SLC10A7: variants seen among roughly 807,000 people sequenced by gnomAD.
The protein encoded by SLC10A7 is solute carrier family 10 member 7.
A neutral mutation model predicts 43.2 loss-of-function variants in SLC10A7; 29 were observed. The observed-to-expected ratio is 0.67, with a 90% confidence interval of 0.50 to 0.92. The LOEUF (loss-of-function observed/expected upper bound fraction) is 0.92, where lower values mean the gene tolerates loss of function less well. Ranked by LOEUF, SLC10A7 falls within the 40% of genes least tolerant of loss-of-function variation. The pLI is 0.00. For synonymous variants in SLC10A7, 152 were observed against 144.8 expected (o/e 1.05, Z -0.35); for missense variants, 295 against 403.2 (o/e 0.73, Z 2.30).
At chr4:146,516,821 A>T (rs1419892950) in intron 2 of SLC10A7, among the ~76,000 whole-genome samples, 1 of 152,080 alleles carries the variant, frequency 6.6e-6, no homozygotes, top group African/African-American at 2.4e-5. Flanking sequence ...ACTCATTATA[A>T]CCACATCCTC....
intron 5 of SLC10A7, among the ~76,000 whole-genome samples, chr4:146,392,005 C>T (rs780269921): frequency 1.3e-5 from 2 of 152,176 alleles, no homozygotes; most frequent in African/African-American, 2.4e-5. Flanking sequence ...TGCTGAAACC[C>T]GCAGATTCCA....
At chr4:146,394,877 C>A (rs1054772189) in intron 5 of SLC10A7, among the ~76,000 whole-genome samples, 1 of 152,168 alleles carries the variant, frequency 6.6e-6, no homozygotes, top group African/African-American at 2.4e-5. Flanking sequence ...TGAATAATTT[C>A]TATTCCTAAA....
intron 5 of SLC10A7, among the ~76,000 whole-genome samples, chr4:146,409,230 G>C (rs1293501041): frequency 6.7e-6 from 1 of 149,914 alleles, no homozygotes; most frequent in African/African-American, 2.5e-5. Flanking sequence ...TAAATAAAAA[G>C]CACACTCCAA....
In SLC10A7 at chr4:146,306,004, A is replaced by T. The variant is rs1053015716; in HGVS notation, c.477T>A (p.Gly159=). The change falls in exon 7 of 12, where the codon GGT becomes GGA. Residue 159 remains glycine, a synonymous_variant. Transcript: ENST00000335472. ...ITPLLLLLFL[G]SSSSVPFTSI... is the part of the protein sequence containing the mutation. ...ATGTGAAAGGCACAGAAGAAGATGA[A>T]CCAAGCTGTAAAACAAGAAAATAGG... 7.5e-6 allele frequency: 12 copies of T among 1,603,844 alleles called. No individual in the cohort carries two copies. The highest frequency in any genetic ancestry group is 1.3e-5 in the African/African-American group (1 of 74,354).
intron 10 of SLC10A7, among the ~76,000 whole-genome samples, chr4:146,279,859 T>C (rs1729434048): frequency 6.6e-6 from 1 of 152,152 alleles, no homozygotes; most frequent in African/African-American, 2.4e-5. Context: ...ATAGAAAAAG[T>C]ACTAATACGA....
intron 5 of SLC10A7, among the ~76,000 whole-genome samples, chr4:146,414,358 G>A (rs1728417109): frequency 6.6e-6 from 1 of 152,074 alleles, no homozygotes; most frequent in African/African-American, 2.4e-5. Context: ...CCAAACATAA[G>A]GCTTTTCCAC....
chr4:146,451,174 A>G (rs989969694), intron 4 of SLC10A7, among the ~76,000 whole-genome samples: 2 of 150,624 alleles, frequency 1.3e-5, no homozygotes, highest in Admixed American at 1.3e-4. Flanking sequence ...AGAAGCTAAA[A>G]TAGAAAACCC....
intron 5 of SLC10A7, among the ~76,000 whole-genome samples, chr4:146,434,128 TACTC>T (rs1730013975): frequency 6.6e-6 from 1 of 152,040 alleles, no homozygotes; most frequent in African/African-American, 2.4e-5. Context: ...TATGAGAAAA[TACTC>T]ACATACATAA....
chr4:146,318,212 C>T (rs567840872), intron 6 of SLC10A7, among the ~76,000 whole-genome samples: 2 of 152,144 alleles, frequency 1.3e-5, no homozygotes, highest in African/African-American at 4.8e-5. Flanking sequence ...AAACATTTCC[C>T]TAAGAGAGTT....
intron 5 of SLC10A7, among the ~76,000 whole-genome samples, chr4:146,383,025 A>G (rs897599672): frequency 1.9e-4 from 29 of 152,010 alleles, no homozygotes; most frequent in African/African-American, 6.8e-4. Context: ...TTCTTCTGGA[A>G]TGTAGGCCTC....
At chr4:146,466,150 A>G (rs1379008997) in intron 4 of SLC10A7, among the ~76,000 whole-genome samples, 1 of 152,220 alleles carries the variant, frequency 6.6e-6, no homozygotes, top group African/African-American at 2.4e-5. Context: ...TTAAATTGCA[A>G]TTAACATCTT....
chr4:146,460,761 A>G (rs914192496), intron 4 of SLC10A7, among the ~76,000 whole-genome samples: 1 of 152,010 alleles, frequency 6.6e-6, no homozygotes. Context: ...AATTTTATAC[A>G]TATTCTAAAA....
intron 2 of SLC10A7, among the ~76,000 whole-genome samples, chr4:146,513,233 T>C (rs1737645599): frequency 6.6e-6 from 1 of 151,940 alleles, no homozygotes; most frequent in Non-Finnish European, 1.5e-5. Context: ...AACGTATACA[T>C]TTTTGTTATA....
intron 5 of SLC10A7, chr4:146,442,076 AG>A: frequency 1.0e-6 from 1 of 978,690 alleles, no homozygotes; most frequent in African/African-American, 1.7e-5. Flanking sequence ...CAAAGTTTTA[AG>A]GCACAAAAAA....
chr4:146,394,513 C>A (rs904599898), intron 5 of SLC10A7, among the ~76,000 whole-genome samples: 5 of 152,072 alleles, frequency 3.3e-5, no homozygotes, highest in African/African-American at 9.7e-5. Context: ...CAAGAGCACA[C>A]CATTACACCC....
chr4:146,483,450 C>CA (rs34046091), intron 4 of SLC10A7, among the ~76,000 whole-genome samples: 19 of 151,068 alleles, frequency 1.3e-4, no homozygotes, highest in Non-Finnish European at 2.5e-4. Flanking sequence ...CACACACACA[C>CA]AAAAAAAAAA....
chr4:146,288,065 A>C (rs1281446717), intron 9 of SLC10A7, among the ~76,000 whole-genome samples: 1 of 152,240 alleles, frequency 6.6e-6, no homozygotes, highest in East Asian at 1.9e-4. Flanking sequence ...CTAGGGCCAC[A>C]CTGGGAGATT....
intron 5 of SLC10A7, among the ~76,000 whole-genome samples, chr4:146,392,393 GA>G (rs1194906299): frequency 1.3e-5 from 2 of 152,142 alleles, no homozygotes; most frequent in East Asian, 1.9e-4. Flanking sequence ...AGAAAAGAGA[GA>G]AAAACACCTT....
chr4:146,437,302 T>C (rs962035171), intron 5 of SLC10A7, among the ~76,000 whole-genome samples: 5 of 152,040 alleles, frequency 3.3e-5, no homozygotes, highest in African/African-American at 4.8e-5. Flanking sequence ...CGATGATGGG[T>C]TGCATTGTGC....
Sources: allele counts gnomAD v4.1 joint callset (sites outside exome capture counted in the v4.1 genomes callset), GRCh38; gene constraint gnomAD v4.1.1; transcripts MANE v1.5; gene names NCBI Gene and HGNC (gene_info 2026-07-23, HGNC 2026-07-21).